ASXL1: variants seen among roughly 807,000 people sequenced by gnomAD.
The protein encoded by ASXL1 is ASXL transcriptional regulator 1.
In ASXL1, 65 loss-of-function variants were observed where a neutral mutation model predicts 89.1. That is an observed-to-expected ratio of 0.73 (90% CI 0.60 to 0.90). The LOEUF is 0.90. Among genes scored for constraint, ASXL1 ranks in the 40% least tolerant of loss-of-function variants. ASXL1 has a pLI of 0.00. For synonymous variants in ASXL1, 739 were observed against 746.9 expected (o/e 0.99, Z 0.17); for missense variants, 1,786 against 1,942.9 (o/e 0.92, Z 1.52).
At chr20:32,418,957 C>A (rs932945350) in intron 4 of ASXL1, among the ~76,000 whole-genome samples, 1 of 150,256 alleles carries the variant, frequency 6.7e-6, no homozygotes, top group South Asian at 2.1e-4. Context: ...CTTAGCCTTG[C>A]GAGTAGCTAG....
intron 4 of ASXL1, among the ~76,000 whole-genome samples, chr20:32,393,858 T>A (rs1424794493): frequency 6.6e-6 from 1 of 152,132 alleles, no homozygotes; most frequent in Non-Finnish European, 1.5e-5. Flanking sequence ...TAAGATGGAC[T>A]GTCACTCTGT....
At chr20:32,430,100 C>T in intron 8 of ASXL1, 47 bp downstream of exon 8, 5 of 1,588,600 alleles carry the variant, frequency 3.1e-6, no homozygotes, top group Non-Finnish European at 4.3e-6. Flanking sequence ...GGGGCCCCTG[C>T]AGGCCTAGTG....
intron 4 of ASXL1, among the ~76,000 whole-genome samples, chr20:32,408,596 A>G (rs1355634877): frequency 6.6e-6 from 1 of 152,128 alleles, no homozygotes; most frequent in Non-Finnish European, 1.5e-5. Flanking sequence ...CTCTGTCGGC[A>G]GGCTGTAGTG....
intron 4 of ASXL1, among the ~76,000 whole-genome samples, chr20:32,404,038 C>T (rs1021841111): frequency 1.3e-5 from 2 of 152,018 alleles, no homozygotes; most frequent in East Asian, 3.9e-4. Flanking sequence ...CAACTCTTCC[C>T]TTCTAGGTAT....
chr20:32,392,719 G>A, intron 4 of ASXL1, among the ~76,000 whole-genome samples: 1 of 151,654 alleles, frequency 6.6e-6, no homozygotes, highest in East Asian at 1.9e-4. Context: ...TTTTTCTTTT[G>A]ATTTATTCTT....
At chr20:32,377,950 G>T (rs2048413802) in intron 4 of ASXL1, among the ~76,000 whole-genome samples, 1 of 131,064 alleles carries the variant, frequency 7.6e-6, no homozygotes, top group South Asian at 2.5e-4. Context: ...ACCGCACCTG[G>T]CCCCAAAATA....
chr20:32,373,818 A>C (rs2048337218), intron 4 of ASXL1, among the ~76,000 whole-genome samples: 1 of 152,122 alleles, frequency 6.6e-6, no homozygotes, highest in African/African-American at 2.4e-5. Flanking sequence ...CAGTGAGCCA[A>C]GATTGCACCA....
chr20:32,367,264 T>G (rs1222134129), intron 2 of ASXL1, among the ~76,000 whole-genome samples: 2 of 152,124 alleles, frequency 1.3e-5, no homozygotes. Context: ...TAGCCTGTAG[T>G]TCCAGCTTGG....
intron 4 of ASXL1, among the ~76,000 whole-genome samples, chr20:32,371,461 A>AT (rs902564609): frequency 2.0e-5 from 3 of 151,416 alleles, no homozygotes; most frequent in African/African-American, 4.9e-5. Context: ...AATTTTTTGT[A>AT]TTTTTTGTGG....
At chr20:32,388,236 T>C (rs1348397641) in intron 4 of ASXL1, among the ~76,000 whole-genome samples, 1 of 152,168 alleles carries the variant, frequency 6.6e-6, no homozygotes, top group East Asian at 1.9e-4. Context: ...ATGCGGTGGC[T>C]TGATCTTGGC....
intron 4 of ASXL1, among the ~76,000 whole-genome samples, chr20:32,424,413 T>C (rs1055405831): frequency 1.3e-5 from 2 of 152,128 alleles, no homozygotes; most frequent in African/African-American, 2.4e-5. Flanking sequence ...CAGCCACCTG[T>C]AATCCCAGCT....
chr20:32,389,126 G>A (rs944324062), intron 4 of ASXL1, among the ~76,000 whole-genome samples: 4 of 150,492 alleles, frequency 2.7e-5, no homozygotes, highest in African/African-American at 9.8e-5. Context: ...TGATTCTTTT[G>A]CTTTTAACCC....
chr20:32,427,619 G>C (rs769239055), intron 4 of ASXL1: 1 of 182,246 alleles, frequency 5.5e-6, no homozygotes, highest in Admixed American at 5.4e-5. Flanking sequence ...CTGTCTAGTT[G>C]CTAATTTATT....
Position 32,437,592 on chromosome 20 carries a change from T to G in ASXL1, c.*254T>G, listed in dbSNP as rs1370085432. On this transcript the variant is annotated 3_prime_UTR_variant, in exon 13 of 13. Coordinates refer to ENST00000375687, the MANE Select transcript of ASXL1 (RefSeq NM_015338.6). ...CTGAGCTCTCCTGCAAGACAGAGCCTGATGTGGCACGGAGTGGGGTTGCGG... is the reference window on the plus strand; with the variant it reads ...CTGAGCTCTCCTGCAAGACAGAGCCGGATGTGGCACGGAGTGGGGTTGCGG... The G allele has an allele frequency of 7.6e-6, 4 of 527,896 alleles. No individual in the cohort carries two copies. Among genetic ancestry groups the G allele is most frequent in the African/African-American group, 1.9e-5 (1 of 51,626 alleles). The allele number at this position is 527,896 out of a possible 1,614,324, so 32.7% of individuals were successfully genotyped here.
intron 4 of ASXL1, among the ~76,000 whole-genome samples, chr20:32,380,148 G>A (rs1203759822): frequency 6.6e-5 from 10 of 151,820 alleles, no homozygotes; most frequent in East Asian, 2.0e-4. Flanking sequence ...TGGGCGTGGT[G>A]GCGGCCGCCT....
chr20:32,435,832 T>TGCCC lies in ASXL1; in HGVS notation c.3121_3124dup (p.Pro1042ArgfsTer9). 1 of 1,614,164 alleles carries TGCCC rather than the reference T, an allele frequency of 6.2e-7. No individual in the cohort carries two copies. Among genetic ancestry groups the TGCCC allele is most frequent in the East Asian group, 2.2e-5 (1 of 44,884 alleles). On this transcript the variant is annotated frameshift_variant, in exon 13 of 13. Coordinates refer to ENST00000375687, the MANE Select transcript of ASXL1 (RefSeq NM_015338.6). LOFTEE classifies it low-confidence loss of function (END_TRUNC). ...ATGAGAAACCCAATTGGAACCAATC[T>TGCCC]GCCCCACTGTCCAAGGTGAATGGTG... is the stretch of plus-strand genomic sequence containing the variant.
chr20:32,359,491 C>T (rs2048073536), intron 1 of ASXL1: 4 of 654,846 alleles, frequency 6.1e-6, no homozygotes. Context: ...GGGATAGAGC[C>T]TGGGAATCTG....
chr20:32,405,847 A>G (rs1444096292), intron 4 of ASXL1, among the ~76,000 whole-genome samples: 1 of 151,918 alleles, frequency 6.6e-6, no homozygotes, highest in African/African-American at 2.4e-5. Flanking sequence ...TATCTCTTTG[A>G]TCACTTGGTT....
chr20:32,367,996 T>C (rs1489530210), intron 3 of ASXL1, among the ~76,000 whole-genome samples: 1 of 152,232 alleles, frequency 6.6e-6, no homozygotes, highest in Admixed American at 6.5e-5. Context: ...GAAAAATTTT[T>C]TAGCATCCAG....
Sources: gnomAD v4.1 joint callset for allele counts (sites outside exome capture counted in the v4.1 genomes callset) on GRCh38, gnomAD v4.1.1 for gene constraint, MANE v1.5 for transcripts, NCBI Gene and HGNC (gene_info 2026-07-23, HGNC 2026-07-21) for gene names.